The following GIGYF2 variants were observed in gnomAD, a reference collection of about 807,000 sequenced individuals.
GIGYF2 encodes GRB10-interacting GYF protein 2.
Under a neutral mutation model 208.1 loss-of-function variants are expected in GIGYF2, and 25 were observed. The observed-to-expected ratio is 0.12, with a 90% CI of 0.09 to 0.17. The LOEUF (loss-of-function observed/expected upper bound fraction) is 0.17, where lower values mean the gene tolerates loss of function less well. Among genes scored for constraint, GIGYF2 ranks in the 10% least tolerant of loss-of-function variants. The pLI, the probability that GIGYF2 is intolerant of heterozygous loss-of-function variation, is 1.00. For synonymous variants in GIGYF2, 534 were observed against 543.8 expected (o/e 0.98, Z 0.25); for missense variants, 1,302 against 1,579.4 (o/e 0.82, Z 2.98).
intron 21 of GIGYF2, among the ~76,000 whole-genome samples, chr2:232,823,364 T>C (rs1233763107): frequency 1.2e-5 from 1 of 83,734 alleles, no homozygotes; most frequent in Non-Finnish European, 2.4e-5. Flanking sequence ...CCTTTCTTTC[T>C]TTCTTTTTTT....
intron 21 of GIGYF2, among the ~76,000 whole-genome samples, chr2:232,826,516 A>G (rs938664538): frequency 2.6e-5 from 4 of 152,228 alleles, no homozygotes; most frequent in Admixed American, 2.6e-4. Flanking sequence ...TGAGAAGTGT[A>G]CAAAAGCCAA....
At chr2:232,784,579 A>T (rs1190950838) in intron 8 of GIGYF2, among the ~76,000 whole-genome samples, 1 of 141,714 alleles carries the variant, frequency 7.1e-6, no homozygotes, top group Non-Finnish European at 1.6e-5. Context: ...TTTAGTAGAG[A>T]TGGGGTTTCA....
chr2:232,796,280 T>G, intron 14 of GIGYF2, 59 bp downstream of exon 14: 24 of 1,066,120 alleles, frequency 2.3e-5, no homozygotes, highest in African/African-American at 3.1e-5. Context: ...CCAGAATCTC[T>G]AAGAAGGGAT....
chr2:232,716,637 C>A (rs1696694478), intron 2 of GIGYF2, among the ~76,000 whole-genome samples: 1 of 152,006 alleles, frequency 6.6e-6, no homozygotes, highest in Non-Finnish European at 1.5e-5. Flanking sequence ...GCCGCCTTGG[C>A]CTCCCAAAGT....
rs57307878 is a variant in GIGYF2 at position 232,841,461 on chromosome 2, ATTTTTTT to A, written c.2889+1507_2889+1513del. 2.2e-3 allele frequency among the ~76,000 whole-genome samples: 306 copies of A among 138,782 alleles called. 2 individuals carry two copies. Among genetic ancestry groups the A allele is most frequent in the African/African-American group, 2.6e-3 (96 of 37,562 alleles). 91.0% of individuals were successfully genotyped at this position (138,782 alleles called of 152,430 possible). ...CAGGCACTTGCCACCACCACCAGCT[ATTTTTTT>A]TTTTTTTTTTTTTTTTAAGTATTTT... On this transcript the variant is annotated intron_variant, in intron 23 of 28. Coordinates refer to ENST00000373563, the MANE Select transcript of GIGYF2 (RefSeq NM_001103146.3).
At chr2:232,837,803 G>T (rs1340534353) in intron 22 of GIGYF2, among the ~76,000 whole-genome samples, 2 of 152,134 alleles carry the variant, frequency 1.3e-5, no homozygotes, top group Non-Finnish European at 2.9e-5. Flanking sequence ...CACCAGTTTT[G>T]CCAGGGAGCA....
chr2:232,723,587 G>C (rs1248424192), intron 2 of GIGYF2, among the ~76,000 whole-genome samples: 2 of 151,252 alleles, frequency 1.3e-5, no homozygotes, highest in African/African-American at 4.9e-5. Flanking sequence ...ACGCCACCAT[G>C]CCCAGCTAAT....
At chr2:232,812,368 A>T in intron 17 of GIGYF2, 23 bp from the exon 18 acceptor site, 2 of 962,980 alleles carry the variant, frequency 2.1e-6, no homozygotes, top group Non-Finnish European at 3.4e-6. Flanking sequence ...AGAACAAGTT[A>T]ATTTTTTATT....
intron 3 of GIGYF2, among the ~76,000 whole-genome samples, chr2:232,738,631 C>T (rs1278403568): frequency 1.3e-5 from 2 of 152,150 alleles, no homozygotes; most frequent in Non-Finnish European, 2.9e-5. Context: ...TGCTGTATCT[C>T]CAGTGCCTGG....
chr2:232,801,182 A>G (rs1356475334), intron 14 of GIGYF2, among the ~76,000 whole-genome samples: 1 of 152,192 alleles, frequency 6.6e-6, no homozygotes, highest in Non-Finnish European at 1.5e-5. Flanking sequence ...GAGGGATTAT[A>G]GGTGTGAGCC....
At chr2:232,769,646 T>C (rs1699148373) in intron 8 of GIGYF2, among the ~76,000 whole-genome samples, 1 of 152,170 alleles carries the variant, frequency 6.6e-6, no homozygotes, top group South Asian at 2.1e-4. Flanking sequence ...CTTTCAGGTC[T>C]ATCTTCCTTG....
At chr2:232,847,832 T>C (rs530197495) in intron 27 of GIGYF2, among the ~76,000 whole-genome samples, 3 of 152,240 alleles carry the variant, frequency 2.0e-5, no homozygotes, top group Non-Finnish European at 4.4e-5. Context: ...CATAGTTAGA[T>C]TGCACATTTC....
At chr2:232,770,939 T>C in intron 8 of GIGYF2, 1 of 1,614,008 alleles carries the variant, frequency 6.2e-7, no homozygotes, top group Non-Finnish European at 8.5e-7. Context: ...CCTAGGAGCA[T>C]TTGTATGGCA....
At chr2:232,772,019 C>CT (rs1462324468) in intron 8 of GIGYF2, among the ~76,000 whole-genome samples, 2 of 152,124 alleles carry the variant, frequency 1.3e-5, no homozygotes, top group East Asian at 3.8e-4. Context: ...GGGTCTTGCT[C>CT]TGTCTCCTAG....
chr2:232,772,637 G>C (rs1341307559), intron 8 of GIGYF2, among the ~76,000 whole-genome samples: 2 of 152,176 alleles, frequency 1.3e-5, no homozygotes, highest in Non-Finnish European at 1.5e-5. Flanking sequence ...AGACTTTAGT[G>C]TAGCAGTTAC....
rs550744727 is a variant in GIGYF2 at position 232,702,424 on chromosome 2, A to G, written c.-109-1000A>G. Among the ~76,000 whole-genome samples the G allele has an allele frequency of 4.0e-5, 6 of 151,174 alleles. No homozygotes were observed. The East Asian group carries it at 1.2e-3, about 29-fold the overall frequency. ...ACTGCACTCCAGCCTGGGCAACAGA[A>G]CGAGACTCTGTCTCCAAAAAAAGAA... On this transcript the variant is annotated intron_variant, in intron 1 of 28. Transcript: ENST00000373563.
intron 8 of GIGYF2, among the ~76,000 whole-genome samples, chr2:232,764,112 G>T (rs1157907166): frequency 6.6e-6 from 1 of 152,208 alleles, no homozygotes; most frequent in East Asian, 1.9e-4. Flanking sequence ...GAGTGGAACA[G>T]TTAGGACATG....
chr2:232,836,362 A>G (rs1422657767), intron 22 of GIGYF2, among the ~76,000 whole-genome samples: 1 of 65,834 alleles, frequency 1.5e-5, no homozygotes, highest in African/African-American at 6.6e-5. Context: ...ATATATATAA[A>G]TATAAATATA....
chr2:232,773,910 TAAAAAAAAA>T (rs61323973), intron 8 of GIGYF2, among the ~76,000 whole-genome samples: 1 of 112,802 alleles, frequency 8.9e-6, no homozygotes, highest in Non-Finnish European at 1.8e-5. Flanking sequence ...TGTCTCTATT[TAAAAAAAAA>T]AAAAAAAAAA....
Sources: allele counts gnomAD v4.1 joint callset (sites outside exome capture counted in the v4.1 genomes callset), GRCh38; gene constraint gnomAD v4.1.1; transcripts MANE v1.5; gene names NCBI Gene and HGNC (gene_info 2026-07-23, HGNC 2026-07-21).